Variants in FGF12 observed in about 807,000 individuals in gnomAD.
FGF12 encodes the protein fibroblast growth factor 12B.
In FGF12, 14 loss-of-function variants were observed where a neutral mutation model predicts 23.6. That is an observed-to-expected ratio of 0.59 (90% CI 0.39 to 0.93). The LOEUF is 0.93. Ranked by LOEUF, FGF12 falls within the 40% of genes least tolerant of loss-of-function variation. The probability of loss-of-function intolerance (pLI) is 0.00; values close to 1 mark genes in which losing one functional copy is unlikely to be tolerated. For missense variants in FGF12, 175 were observed against 217.8 expected (o/e 0.80, Z 1.24); for synonymous variants, 62 against 77.3 (o/e 0.80, Z 1.04).
chr3:192,727,431 A>G (rs1719260361), intron 1 of FGF12, 53 bp downstream of exon 1: 10 of 1,113,078 alleles, frequency 9.0e-6, no homozygotes, highest in Admixed American at 2.7e-5. Context: ...CGCGCATCTG[A>G]TACTGAAATG....
At chr3:192,203,584 T>C (rs1353480436) in intron 4 of FGF12, among the ~76,000 whole-genome samples, 1 of 150,098 alleles carries the variant, frequency 6.7e-6, no homozygotes, top group African/African-American at 2.4e-5. Context: ...TTTTTTTTTT[T>C]GAAGATAGGG....
intron 2 of FGF12, among the ~76,000 whole-genome samples, chr3:192,430,000 C>T (rs1298494267): frequency 5.3e-5 from 8 of 152,214 alleles, no homozygotes; most frequent in Admixed American, 4.6e-4. Flanking sequence ...AGTTAAATAG[C>T]ATTAGCAATT....
intron 5 of FGF12, among the ~76,000 whole-genome samples, chr3:192,159,720 G>A (rs376855701): frequency 6.6e-6 from 1 of 152,130 alleles, no homozygotes; most frequent in Non-Finnish European, 1.5e-5. Flanking sequence ...TGAATCTTTC[G>A]TAATGTCTGA....
chr3:192,713,742 A>T (rs934656423), intron 2 of FGF12, among the ~76,000 whole-genome samples: 94 of 152,196 alleles, frequency 6.2e-4, no homozygotes, highest in African/African-American at 2.2e-3. Flanking sequence ...TCTTGTTCAT[A>T]AATCTTTTAC....
chr3:192,279,650 T>C lies in FGF12; in HGVS notation c.228+55711A>G, dbSNP rs1482331401. On this transcript the variant is annotated intron_variant, in intron 4 of 5. Coordinates refer to ENST00000445105, the MANE Select transcript of FGF12 (RefSeq NM_004113.6). ...AAGCCAGCGTCTACACCAGAAATCC[T>C]GAATGAGATTTCCCCTAGATCAATT... Among the ~76,000 whole-genome samples the C allele has an allele frequency of 1.3e-5, 2 of 152,166 alleles. 1 individual carries two copies. Among genetic ancestry groups the C allele is most frequent in the African/African-American group, 4.8e-5 (2 of 41,436 alleles).
At chr3:192,252,247 G>A (rs1415033813) in intron 4 of FGF12, among the ~76,000 whole-genome samples, 1 of 151,762 alleles carries the variant, frequency 6.6e-6, no homozygotes, top group Non-Finnish European at 1.5e-5. Context: ...GATCACTTGA[G>A]CTCAGGAGTT....
intron 3 of FGF12, among the ~76,000 whole-genome samples, chr3:192,357,582 A>G (rs996880485): frequency 2.6e-5 from 4 of 152,150 alleles, no homozygotes; most frequent in African/African-American, 9.7e-5. Flanking sequence ...TCAAAAAAAA[A>G]AACAAACAAC....
intron 2 of FGF12, among the ~76,000 whole-genome samples, chr3:192,511,738 T>C (rs1273183233): frequency 2.0e-5 from 3 of 152,098 alleles, no homozygotes; most frequent in Non-Finnish European, 2.9e-5. Context: ...AAAAGAATCA[T>C]AAGAGACCCA....
At chr3:192,301,948 A>T (rs1017842520) in intron 4 of FGF12, among the ~76,000 whole-genome samples, 20 of 152,316 alleles carry the variant, frequency 1.3e-4, no homozygotes, top group African/African-American at 4.6e-4. Context: ...AATCAGAGCC[A>T]TCTTTTCTCT....
chr3:192,262,015 G>A (rs1471288090), intron 4 of FGF12, among the ~76,000 whole-genome samples: 1 of 152,156 alleles, frequency 6.6e-6, no homozygotes, highest in Non-Finnish European at 1.5e-5. Flanking sequence ...TAGAAAATGT[G>A]TTCAGATAAT....
At chr3:192,332,555 G>A (rs1439941565) in intron 4 of FGF12, among the ~76,000 whole-genome samples, 1 of 151,936 alleles carries the variant, frequency 6.6e-6, no homozygotes, top group Non-Finnish European at 1.5e-5. Context: ...CTATAGCTCT[G>A]TGCTACCTAA....
chr3:192,627,195 A>G (rs1252060075), intron 2 of FGF12, among the ~76,000 whole-genome samples: 16 of 152,134 alleles, frequency 1.1e-4, no homozygotes, highest in Admixed American at 8.5e-4. Flanking sequence ...TAGGAGTCAG[A>G]TATCTATTTT....
At chr3:192,323,173 A>T (rs1190948372) in intron 4 of FGF12, among the ~76,000 whole-genome samples, 1 of 152,192 alleles carries the variant, frequency 6.6e-6, no homozygotes, top group Non-Finnish European at 1.5e-5. Flanking sequence ...TCCTCAAGAA[A>T]CTAAAAATAG....
intron 2 of FGF12, among the ~76,000 whole-genome samples, chr3:192,579,810 T>G (rs1216304582): frequency 6.6e-6 from 1 of 152,156 alleles, no homozygotes; most frequent in Non-Finnish European, 1.5e-5. Context: ...CCTCAGGTGG[T>G]CCGATCATCT....
At chr3:192,528,941 G>A (rs997441231) in intron 2 of FGF12, among the ~76,000 whole-genome samples, 4 of 152,122 alleles carry the variant, frequency 2.6e-5, no homozygotes, top group African/African-American at 9.7e-5. Context: ...TTTCCTCCTA[G>A]TCCTCTAGGC....
chr3:192,412,270 T>C (rs1373913424), intron 2 of FGF12, among the ~76,000 whole-genome samples: 1 of 152,224 alleles, frequency 6.6e-6, no homozygotes, highest in African/African-American at 2.4e-5. Context: ...TGCTGATTTT[T>C]TTCTGTAGGT....
At chr3:192,144,431 A>G (rs1201920443) in intron 5 of FGF12, among the ~76,000 whole-genome samples, 1 of 152,190 alleles carries the variant, frequency 6.6e-6, no homozygotes, top group Non-Finnish European at 1.5e-5. Flanking sequence ...ATCCAGAGTC[A>G]GAGGAGACAT....
chr3:192,639,261 A>T (rs1375168252), intron 2 of FGF12, among the ~76,000 whole-genome samples: 3 of 152,132 alleles, frequency 2.0e-5, no homozygotes, highest in Admixed American at 2.0e-4. Context: ...ATATCACCTC[A>T]CACCTATGAG....
At chr3:192,368,303 G>A (rs939936467) in intron 2 of FGF12, among the ~76,000 whole-genome samples, 2 of 152,136 alleles carry the variant, frequency 1.3e-5, no homozygotes, top group African/African-American at 2.4e-5. Context: ...AACATAAAGC[G>A]TGCATTCTAG....
Sources: gnomAD v4.1 joint callset for allele counts (sites outside exome capture counted in the v4.1 genomes callset) on GRCh38, gnomAD v4.1.1 for gene constraint, MANE v1.5 for transcripts, NCBI Gene and HGNC (gene_info 2026-07-23, HGNC 2026-07-21) for gene names.